The following ADGRL2 variants were observed in gnomAD, a reference collection of about 807,000 sequenced individuals.
ADGRL2 encodes calcium-independent alpha-latrotoxin receptor 2.
A neutral mutation model predicts 157.4 loss-of-function variants in ADGRL2; 44 were observed. The observed-to-expected ratio is 0.28, with a 90% CI of 0.22 to 0.36. The LOEUF (loss-of-function observed/expected upper bound fraction) is 0.36. Among genes scored for constraint, ADGRL2 ranks in the 10% least tolerant of loss-of-function variants. ADGRL2 has a pLI of 1.00. For missense variants in ADGRL2, 1,510 were observed against 1,768.9 expected (o/e 0.85, Z 2.63); for synonymous variants, 585 against 624.7 (o/e 0.94, Z 0.95).
At chr1:81,910,792 A>G (rs2094702996) in intron 3 of ADGRL2, among the ~76,000 whole-genome samples, 1 of 151,590 alleles carries the variant, frequency 6.6e-6, no homozygotes, top group South Asian at 2.1e-4. Context: ...TTTCCCCTTT[A>G]TATTTCTCAA....
At chr1:81,493,330 A>T (rs576841419) in intron 2 of ADGRL2, among the ~76,000 whole-genome samples, 2 of 152,330 alleles carry the variant, frequency 1.3e-5, no homozygotes, top group Admixed American at 6.5e-5. Context: ...TTGTAGGGAA[A>T]GCATATTTGC....
In ADGRL2 at chr1:81,825,475, A is replaced by G. The variant is rs537703200; in HGVS notation, c.-100-11410A>G. On this transcript the variant is annotated intron_variant, in intron 1 of 23. Coordinates refer to ENST00000686636, the MANE Select transcript of ADGRL2 (RefSeq NM_001366006.2). ...GTGATTCCCCTGCCTCAGCCTCCCA[A>G]GTGGCTAAGATTGCAGGCATACGCC... is the stretch of plus-strand genomic sequence containing the variant. 5.0e-4 allele frequency among the ~76,000 whole-genome samples: 76 copies of G among 152,048 alleles called. 1 individual carries two copies. The South Asian group carries it at 0.015, about 30-fold the overall frequency.
chr1:81,687,878 C>G (rs994047799), intron 3 of ADGRL2, among the ~76,000 whole-genome samples: 1 of 152,164 alleles, frequency 6.6e-6, no homozygotes, highest in African/African-American at 2.4e-5. Flanking sequence ...ATGGCGAATT[C>G]TCTCAGCATT....
intron 1 of ADGRL2, among the ~76,000 whole-genome samples, chr1:81,422,463 T>G (rs993967470): frequency 2.0e-5 from 3 of 152,232 alleles, no homozygotes; most frequent in Non-Finnish European, 4.4e-5. Context: ...CAGGCTGGTC[T>G]CGAACTCCTG....
intron 3 of ADGRL2, among the ~76,000 whole-genome samples, chr1:81,681,355 A>G (rs146034407): frequency 1.2e-3 from 177 of 152,326 alleles, no homozygotes; most frequent in African/African-American, 3.9e-3. Context: ...CATTCCAGTG[A>G]CTTCACATGT....
intron 3 of ADGRL2, among the ~76,000 whole-genome samples, chr1:81,668,657 A>G (rs1285721421): frequency 6.6e-6 from 1 of 151,776 alleles, no homozygotes; most frequent in African/African-American, 2.4e-5. Context: ...TCTGCCTCTG[A>G]GTTCAAGAGA....
At chr1:81,382,649 G>A (rs995538209) in intron 1 of ADGRL2, among the ~76,000 whole-genome samples, 2 of 152,170 alleles carry the variant, frequency 1.3e-5, no homozygotes, top group South Asian at 2.1e-4. Context: ...GATCAAAGAC[G>A]AAACTGCATT....
chr1:81,702,918 G>C (rs557525002), intron 1 of ADGRL2, among the ~76,000 whole-genome samples: 1 of 152,152 alleles, frequency 6.6e-6, no homozygotes, highest in East Asian at 1.9e-4. Flanking sequence ...AAAGAAGAAA[G>C]TAGAGAATTT....
intron 1 of ADGRL2, among the ~76,000 whole-genome samples, chr1:81,332,302 A>T (rs1201014973): frequency 1.3e-5 from 2 of 152,128 alleles, no homozygotes; most frequent in Non-Finnish European, 2.9e-5. Context: ...CTGATAGACA[A>T]CACAATTTCT....
intron 2 of ADGRL2, among the ~76,000 whole-genome samples, chr1:81,905,902 G>A (rs147945290): frequency 2.6e-4 from 40 of 151,212 alleles, no homozygotes; most frequent in African/African-American, 9.5e-4. Flanking sequence ...TGAATTATTT[G>A]TATAGATATT....
At chr1:81,322,339 T>G (rs1660584479) in intron 1 of ADGRL2, among the ~76,000 whole-genome samples, 1 of 151,800 alleles carries the variant, frequency 6.6e-6, no homozygotes, top group African/African-American at 2.4e-5. Context: ...AAATTACACA[T>G]GAAACAAACC....
intron 2 of ADGRL2, among the ~76,000 whole-genome samples, chr1:81,764,252 C>T (rs2086028147): frequency 6.7e-6 from 1 of 149,396 alleles, no homozygotes; most frequent in Admixed American, 6.7e-5. Context: ...CAAAAAATTG[C>T]TTTTAACCTA....
At chr1:81,918,692 G>A (rs1302028311) in intron 3 of ADGRL2, among the ~76,000 whole-genome samples, 1 of 152,002 alleles carries the variant, frequency 6.6e-6, no homozygotes, top group Non-Finnish European at 1.5e-5. Flanking sequence ...AACAAATTTG[G>A]ATCAGCTGTT....
At chr1:81,572,042 CTT>C (rs1279403023) in intron 2 of ADGRL2, among the ~76,000 whole-genome samples, 1 of 152,116 alleles carries the variant, frequency 6.6e-6, no homozygotes, top group Non-Finnish European at 1.5e-5. Flanking sequence ...GATATAAAGA[CTT>C]AAAAACAAAT....
chr1:81,687,459 A>G (rs902132740), intron 3 of ADGRL2, among the ~76,000 whole-genome samples: 2 of 152,044 alleles, frequency 1.3e-5, no homozygotes, highest in African/African-American at 4.8e-5. Context: ...AAGAATAGCT[A>G]CCCCTGCTCA....
chr1:81,679,058 T>A (rs1305636027), intron 3 of ADGRL2, among the ~76,000 whole-genome samples: 1 of 152,160 alleles, frequency 6.6e-6, no homozygotes, highest in Non-Finnish European at 1.5e-5. Context: ...CAGTCCCTCC[T>A]CTAAATTACA....
intron 1 of ADGRL2, among the ~76,000 whole-genome samples, chr1:81,720,389 C>T (rs1409062501): frequency 6.6e-6 from 1 of 151,962 alleles, no homozygotes; most frequent in Non-Finnish European, 1.5e-5. Flanking sequence ...AGGCTGGTCT[C>T]AAACTCCTGA....
intron 1 of ADGRL2, chr1:81,721,887 G>T: frequency 1.3e-6 from 1 of 743,016 alleles, no homozygotes; most frequent in South Asian, 1.3e-5. Flanking sequence ...TAAGAAGGTG[G>T]AGGAAAACTT....
At chr1:81,583,295 T>G (rs2080955118) in intron 3 of ADGRL2, among the ~76,000 whole-genome samples, 1 of 152,212 alleles carries the variant, frequency 6.6e-6, no homozygotes, top group Non-Finnish European at 1.5e-5. Context: ...AAAGGTTATT[T>G]TGTTCAAGAT....
Sources: allele counts gnomAD v4.1 joint callset (sites outside exome capture counted in the v4.1 genomes callset), GRCh38; gene constraint gnomAD v4.1.1; transcripts MANE v1.5; gene names NCBI Gene and HGNC (gene_info 2026-07-23, HGNC 2026-07-21).